The following TRAK1 variants were observed in gnomAD, a reference collection of about 807,000 sequenced individuals.
TRAK1 encodes trafficking kinesin protein 1.
Under a neutral mutation model 92.1 loss-of-function variants are expected in TRAK1, and 33 were observed. The observed-to-expected ratio is 0.36, with a 90% CI of 0.27 to 0.48. The LOEUF (loss-of-function observed/expected upper bound fraction) is 0.48. Ranked by LOEUF, TRAK1 falls within the 20% of genes least tolerant of loss-of-function variation. TRAK1 has a pLI of 0.99. For synonymous variants in TRAK1, 521 were observed against 517.3 expected (o/e 1.01, Z -0.10); for missense variants, 1,123 against 1,257.9 (o/e 0.89, Z 1.62).
intron 2 of TRAK1, among the ~76,000 whole-genome samples, chr3:42,159,042 TTTA>T (rs1700921986): frequency 2.0e-5 from 3 of 151,468 alleles, no homozygotes; most frequent in Admixed American, 6.6e-5. Context: ...AAATAAAATC[TTTA>T]TTATCTCTGG....
At chr3:42,133,462 C>G (rs1697479482) in intron 2 of TRAK1, among the ~76,000 whole-genome samples, 2 of 152,186 alleles carry the variant, frequency 1.3e-5, no homozygotes, top group South Asian at 4.1e-4. Flanking sequence ...TCCAGCAGTC[C>G]TCCTGCCTCA....
At chr3:42,029,549 ATTT>A (rs58539922) in intron 1 of TRAK1, among the ~76,000 whole-genome samples, 2 of 136,400 alleles carry the variant, frequency 1.5e-5, no homozygotes, top group East Asian at 2.1e-4. Flanking sequence ...GCCTGATAGA[ATTT>A]TTTTTTTTTT....
intron 1 of TRAK1, among the ~76,000 whole-genome samples, chr3:42,111,436 C>T (rs895587080): frequency 1.8e-4 from 27 of 151,948 alleles, no homozygotes; most frequent in Admixed American, 1.7e-3. Flanking sequence ...CACTCTGTCG[C>T]CCAGGCTGGA....
intron 1 of TRAK1, among the ~76,000 whole-genome samples, chr3:42,025,681 G>T (rs1382105262): frequency 6.6e-6 from 1 of 152,002 alleles, no homozygotes; most frequent in African/African-American, 2.4e-5. Context: ...GCATGAATGT[G>T]GGGGAGGGCG....
chr3:42,201,614 G>A (rs1461193270), intron 12 of TRAK1, among the ~76,000 whole-genome samples: 1 of 152,110 alleles, frequency 6.6e-6, no homozygotes, highest in Non-Finnish European at 1.5e-5. Context: ...TTGGGGGAAG[G>A]ATTAATGAAT....
intron 1 of TRAK1, among the ~76,000 whole-genome samples, chr3:42,101,153 A>C (rs1559765784): frequency 6.6e-6 from 1 of 152,186 alleles, no homozygotes; most frequent in Admixed American, 6.5e-5. Flanking sequence ...CTACCTAAGG[A>C]CATGTTCTCC....
chr3:42,216,214 A>T (rs1709665576), intron 14 of TRAK1, among the ~76,000 whole-genome samples: 1 of 152,024 alleles, frequency 6.6e-6, no homozygotes, highest in South Asian at 2.1e-4. Flanking sequence ...TGGGCTTCCT[A>T]CGTATTTTCC....
intron 1 of TRAK1, among the ~76,000 whole-genome samples, chr3:42,082,088 G>GT (rs1184893937): frequency 1.3e-5 from 2 of 151,930 alleles, no homozygotes; most frequent in East Asian, 1.9e-4. Flanking sequence ...TCCAAATTTT[G>GT]TTTTTTTCAG....
chr3:42,130,690 T>C (rs1697077355), intron 2 of TRAK1, among the ~76,000 whole-genome samples: 1 of 152,190 alleles, frequency 6.6e-6, no homozygotes, highest in Non-Finnish European at 1.5e-5. Flanking sequence ...CCTGAGTTGC[T>C]TACTTTGCTT....
chr3:42,074,675 A>G (rs931983525), intron 1 of TRAK1, among the ~76,000 whole-genome samples: 2 of 145,400 alleles, frequency 1.4e-5, no homozygotes, highest in African/African-American at 5.5e-5. Flanking sequence ...GTCTCAGACT[A>G]GTTTTTTTTT....
At chr3:42,066,551 G>A (rs1703689730) in intron 1 of TRAK1, among the ~76,000 whole-genome samples, 1 of 147,656 alleles carries the variant, frequency 6.8e-6, no homozygotes, top group Admixed American at 7.1e-5. Flanking sequence ...TGGTGCTTCT[G>A]GAAGTAGTGC....
At chr3:42,221,956 T>C (rs973013653) in intron 15 of TRAK1, 3 of 141,194 alleles carry the variant, frequency 2.1e-5, no homozygotes, top group Non-Finnish European at 4.4e-5. Context: ...TTTGACAGTT[T>C]TTAGGGATAC....
chr3:42,033,768 T>A (rs12107042), intron 1 of TRAK1, among the ~76,000 whole-genome samples: 8 of 152,050 alleles, frequency 5.3e-5, no homozygotes, highest in Non-Finnish European at 1.2e-4. Context: ...GTGAAGGAGA[T>A]CTCTGATCTC....
At chr3:42,035,685 A>G (rs1702300346) in intron 1 of TRAK1, among the ~76,000 whole-genome samples, 1 of 152,132 alleles carries the variant, frequency 6.6e-6, no homozygotes, top group Non-Finnish European at 1.5e-5. Flanking sequence ...GTGTTAAGTG[A>G]CCTTCCTAAA....
intron 2 of TRAK1, among the ~76,000 whole-genome samples, chr3:42,173,789 G>A (rs780488941): frequency 1.6e-4 from 25 of 152,116 alleles, no homozygotes; most frequent in Non-Finnish European, 3.4e-4. Flanking sequence ...AGTAGTCATC[G>A]CGACTACCCT....
chr3:42,146,838 G>A (rs1298110214), intron 2 of TRAK1, among the ~76,000 whole-genome samples: 2 of 152,230 alleles, frequency 1.3e-5, no homozygotes, highest in Admixed American at 1.3e-4. Context: ...GTACAGGCAT[G>A]AGCCAATGCA....
At chr3:42,162,886 G>A (rs1281705398) in intron 2 of TRAK1, among the ~76,000 whole-genome samples, 2 of 152,070 alleles carry the variant, frequency 1.3e-5, no homozygotes, top group South Asian at 4.1e-4. Flanking sequence ...TTCTTTTCCT[G>A]AAAATTTATG....
At chr3:42,210,574 G>A (rs757438715) in intron 14 of TRAK1, 23 of 1,078,412 alleles carry the variant, frequency 2.1e-5, no homozygotes, top group Non-Finnish European at 2.6e-5. Context: ...TCATTCAGAA[G>A]GTAAATGAGA....
upstream of TRAK1, among the ~76,000 whole-genome samples, chr3:42,082,773 T>A (rs1458343110): frequency 2.0e-5 from 3 of 152,214 alleles, no homozygotes; most frequent in East Asian, 5.8e-4. Flanking sequence ...TGTGTATGGA[T>A]CAGATAGAAT....
Sources: allele counts gnomAD v4.1 joint callset (sites outside exome capture counted in the v4.1 genomes callset), GRCh38; gene constraint gnomAD v4.1.1; transcripts MANE v1.5; gene names NCBI Gene and HGNC (gene_info 2026-07-23, HGNC 2026-07-21).